Variants in DNAH9 observed in about 807,000 individuals in gnomAD.
The protein encoded by DNAH9 is dynein axonemal heavy chain 9.
Under a neutral mutation model 471.6 loss-of-function variants are expected in DNAH9, and 345 were observed. The ratio of observed to expected loss-of-function variants is 0.73; its 90% CI spans 0.67 to 0.80. The LOEUF (loss-of-function observed/expected upper bound fraction) is 0.80, where lower values mean the gene tolerates loss of function less well. Among genes scored for constraint, DNAH9 ranks in the 30% least tolerant of loss-of-function variants. DNAH9 has a pLI of 0.00. For synonymous variants in DNAH9, 2,093 were observed against 2,123.6 expected (o/e 0.99, Z 0.40); for missense variants, 5,407 against 5,609.2 (o/e 0.96, Z 1.15).
chr17:11,688,227 G>A (rs1234179299), intron 19 of DNAH9, among the ~76,000 whole-genome samples: 1 of 151,904 alleles, frequency 6.6e-6, no homozygotes, highest in Non-Finnish European at 1.5e-5. Flanking sequence ...AGGATTAGAA[G>A]CAGTTTCAGG....
intron 35 of DNAH9, among the ~76,000 whole-genome samples, chr17:11,762,770 G>GTTTTTGTT (rs1967747976): frequency 1.1e-4 from 10 of 90,742 alleles, no homozygotes; most frequent in Non-Finnish European, 1.5e-4. Context: ...TTTTTTTTTT[G>GTTTTTGTT]TTTTTTTTTT....
chr17:11,926,035 GAAAAAAAAAAAA>G (rs71142253), intron 62 of DNAH9, among the ~76,000 whole-genome samples: 2,435 of 60,030 alleles, frequency 0.041, 135 homozygotes, highest in African/African-American at 0.18. Context: ...GAGATTCTCT[GAAAAAAAAAAAA>G]AAAAAAAAAA....
chr17:11,712,700 T>A (rs2150791245), intron 26 of DNAH9, among the ~76,000 whole-genome samples: 1 of 152,270 alleles, frequency 6.6e-6, no homozygotes, highest in South Asian at 2.1e-4. Context: ...TTCACATGCT[T>A]GTTAGCCATT....
chr17:11,668,993 T>C, intron 15 of DNAH9, 71 bp from the exon 16 acceptor site: 1 of 1,123,874 alleles, frequency 8.9e-7, no homozygotes, highest in Non-Finnish European at 1.3e-6. Flanking sequence ...CTGGGTGCTT[T>C]TAAAACAGTC....
intron 17 of DNAH9, among the ~76,000 whole-genome samples, chr17:11,670,064 T>C (rs1454708909): frequency 6.6e-6 from 1 of 152,156 alleles, no homozygotes; most frequent in East Asian, 1.9e-4. Flanking sequence ...TTAGAGACAA[T>C]AATAGCAGAT....
intron 10 of DNAH9, among the ~76,000 whole-genome samples, chr17:11,640,730 A>G (rs539306686): frequency 2.0e-5 from 3 of 152,264 alleles, no homozygotes; most frequent in Admixed American, 1.3e-4. Flanking sequence ...GCCACTGGAA[A>G]GTAATGAAGC....
chr17:11,875,628 C>T (rs1972446711), intron 53 of DNAH9: 2 of 158,394 alleles, frequency 1.3e-5, no homozygotes, highest in East Asian at 1.9e-4. Context: ...CCTCCTGAGG[C>T]ACAGTTGAAC....
In DNAH9 at chr17:11,752,421, T is replaced by C. The variant is rs568430244; in HGVS notation, c.6611-412T>C. The stretch of plus-strand genomic sequence containing the variant: ...GACTAAAGCACAGGGAGAATGCACC[T>C]TGGGCACTGCCAGGTTTTTGCAAAG... On this transcript the variant is annotated intron_variant, in intron 32 of 68. Coordinates refer to ENST00000262442, the MANE Select transcript of DNAH9 (RefSeq NM_001372.4). Among the ~76,000 whole-genome samples the C allele has an allele frequency of 1.6e-4, 24 of 152,328 alleles. No homozygotes were observed. In the South Asian group the frequency reaches 5.0e-3, roughly 32 times the overall value.
intron 32 of DNAH9, among the ~76,000 whole-genome samples, 196 bp downstream of exon 32, chr17:11,747,962 T>A (rs1966961248): frequency 6.6e-6 from 1 of 152,014 alleles, no homozygotes; most frequent in Non-Finnish European, 1.5e-5. Flanking sequence ...TCAGATATTC[T>A]CCCTCCTTGG....
intron 45 of DNAH9, among the ~76,000 whole-genome samples, chr17:11,811,408 T>A (rs1969894265): frequency 6.6e-6 from 1 of 152,320 alleles, no homozygotes; most frequent in Middle Eastern, 3.4e-3. Flanking sequence ...ACCTATTCTC[T>A]TGATGTAAGT....
At position 11,611,669 on chromosome 17, in the gene DNAH9, A is replaced by G. The variant is rs1387607425; in HGVS notation, c.793A>G (p.Ile265Val). 5.0e-6 allele frequency: 8 copies of G among 1,613,964 alleles called. No individual in the cohort carries two copies. The highest frequency in any genetic ancestry group is 2.2e-5 in the South Asian group (2 of 91,078). Residue 265 changes from isoleucine to valine, a missense_variant, in exon 4 of 69, where the codon ATC becomes GTC. Coordinates refer to ENST00000262442, the MANE Select transcript of DNAH9 (RefSeq NM_001372.4). ...TTGCAGGTATGAAGATCTGAAATAC[A>G]TCTATAATCAACTGAGAACAATAAC... is the stretch of plus-strand genomic sequence containing the variant. ...WKSRYEDLKY[I>V]YNQLRTITVR... is the part of the protein sequence containing the mutation.
chr17:11,960,137 TAAG>T (rs1216570810), intron 67 of DNAH9, among the ~76,000 whole-genome samples: 1 of 152,164 alleles, frequency 6.6e-6, no homozygotes, highest in Non-Finnish European at 1.5e-5. Flanking sequence ...TAACTGTTTT[TAAG>T]AATTCCAAAA....
At chr17:11,736,829 T>C (rs1157909636) in intron 28 of DNAH9, among the ~76,000 whole-genome samples, 2 of 152,210 alleles carry the variant, frequency 1.3e-5, no homozygotes, top group African/African-American at 4.8e-5. Context: ...TGAGTCAGAA[T>C]GAACAGCAGA....
chr17:11,758,247 AC>A (rs1437958307), intron 35 of DNAH9, among the ~76,000 whole-genome samples: 25 of 152,356 alleles, frequency 1.6e-4, no homozygotes, highest in Admixed American at 1.3e-3. Flanking sequence ...ACAAGCCCTG[AC>A]CACTTATCAC....
At chr17:11,916,995 A>T (rs1973980922) in intron 61 of DNAH9, among the ~76,000 whole-genome samples, 2 of 152,174 alleles carry the variant, frequency 1.3e-5, no homozygotes, top group Admixed American at 1.3e-4. Context: ...TGTGGCACTC[A>T]GTCTCCTCCA....
At chr17:11,733,262 G>A (rs751180828) in intron 28 of DNAH9, among the ~76,000 whole-genome samples, 4 of 152,148 alleles carry the variant, frequency 2.6e-5, no homozygotes, top group Admixed American at 6.5e-5. Context: ...GTAGAGGGGT[G>A]ACGAGAAAAA....
chr17:11,853,671 T>A (rs1039084305), intron 49 of DNAH9, among the ~76,000 whole-genome samples: 1 of 152,240 alleles, frequency 6.6e-6, no homozygotes, highest in Admixed American at 6.5e-5. Context: ...TTATCTTTTA[T>A]TCATAGCATG....
chr17:11,747,510 G>A (rs540145924), intron 31 of DNAH9, 46 bp from the exon 32 acceptor site: 3 of 1,506,574 alleles, frequency 2.0e-6, no homozygotes, highest in South Asian at 1.1e-5. Context: ...TGGGATGCAG[G>A]TGAGTCACAG....
At chr17:11,854,494 C>T (rs1163664479) in intron 50 of DNAH9, 66 bp downstream of exon 50, 1 of 1,477,926 alleles carries the variant, frequency 6.8e-7, no homozygotes, top group East Asian at 2.3e-5. Context: ...TCTTCAGACA[C>T]CATCTAACAC....
Sources: allele counts gnomAD v4.1 joint callset (sites outside exome capture counted in the v4.1 genomes callset), GRCh38; gene constraint gnomAD v4.1.1; transcripts MANE v1.5; gene names NCBI Gene and HGNC (gene_info 2026-07-23, HGNC 2026-07-21).